The following NFATC2 variants were observed in gnomAD, a reference collection of about 807,000 sequenced individuals.
NFATC2 encodes nuclear factor of activated T-cells, cytoplasmic 2.
NFATC2 carries 22 observed loss-of-function variants against 87.3 expected under a neutral mutation model. The ratio of observed to expected loss-of-function variants is 0.25; its 90% CI spans 0.18 to 0.36. The LOEUF is 0.36. Ranked by LOEUF, NFATC2 falls within the 10% of genes least tolerant of loss-of-function variation. The pLI, the probability that NFATC2 is intolerant of heterozygous loss-of-function variation, is 1.00. For synonymous variants in NFATC2, 565 were observed against 542.2 expected, an observed-to-expected ratio of 1.04 and a Z score of -0.58; for missense variants, 1,149 against 1,259.1, an observed-to-expected ratio of 0.91 and a Z score of 1.32.
rs759240510 is a variant in NFATC2 at position 51,542,523 on chromosome 20, G to A, written c.-24C>T. 4.3e-6 allele frequency: 6 copies of A among 1,379,436 alleles called. No individual in the cohort carries two copies. The highest frequency in any genetic ancestry group is 7.8e-5 in the Admixed American group (2 of 25,536). 85.4% of individuals were successfully genotyped at this position (1,379,436 alleles called of 1,614,324 possible). A position where few individuals can be genotyped will look rare whatever the true frequency, so the allele number is the denominator to read the frequency against. On this transcript the variant is annotated 5_prime_UTR_variant, in exon 1 of 11. Transcript: ENST00000371564. ...ATGGCGCGCAGGGCGGGAAGGCTGCGGGGCCGGGGGCGAGGGCGGGCGCGG... is the reference window on the plus strand; with the variant it reads ...ATGGCGCGCAGGGCGGGAAGGCTGCAGGGCCGGGGGCGAGGGCGGGCGCGG...
intron 6 of NFATC2, among the ~76,000 whole-genome samples, chr20:51,449,879 G>C (rs1011367229): frequency 8.8e-6 from 1 of 113,096 alleles, no homozygotes; most frequent in African/African-American, 3.7e-5. Context: ...CTGGCACATA[G>C]TTCATTATTA....
intron 9 of NFATC2, among the ~76,000 whole-genome samples, chr20:51,419,759 G>T (rs980484121): frequency 1.3e-5 from 2 of 152,140 alleles, no homozygotes; most frequent in African/African-American, 4.8e-5. Flanking sequence ...TATCTCAGCA[G>T]CTGGCATTCG....
chr20:51,455,488 C>T (rs1986304623), intron 5 of NFATC2, among the ~76,000 whole-genome samples: 1 of 151,708 alleles, frequency 6.6e-6, no homozygotes, highest in South Asian at 2.1e-4. Context: ...AGCCCGGTCC[C>T]TCTCTCTCAT....
At chr20:51,478,990 C>G (rs1259000551) in intron 3 of NFATC2, among the ~76,000 whole-genome samples, 1 of 152,212 alleles carries the variant, frequency 6.6e-6, no homozygotes, top group Non-Finnish European at 1.5e-5. Flanking sequence ...TTAGGCATTA[C>G]AAGAACCAAT....
chr20:51,394,855 C>T (rs979770926), intron 10 of NFATC2, among the ~76,000 whole-genome samples: 1 of 152,194 alleles, frequency 6.6e-6, no homozygotes, highest in Non-Finnish European at 1.5e-5. Flanking sequence ...GGGCCACGTG[C>T]AGTGTTCTGC....
At chr20:51,402,634 C>T (rs1196885940) in intron 9 of NFATC2, among the ~76,000 whole-genome samples, 1 of 152,202 alleles carries the variant, frequency 6.6e-6, no homozygotes, top group Non-Finnish European at 1.5e-5. Context: ...CATAAACCCC[C>T]TCTGGGGGTT....
chr20:51,429,492 G>A (rs1403439275), intron 9 of NFATC2, among the ~76,000 whole-genome samples: 1 of 152,234 alleles, frequency 6.6e-6, no homozygotes, highest in African/African-American at 2.4e-5. Flanking sequence ...CTGCGCTTCA[G>A]AGCTCTTGAG....
intron 2 of NFATC2, among the ~76,000 whole-genome samples, chr20:51,519,386 G>A (rs1041345586): frequency 6.6e-6 from 1 of 151,684 alleles, no homozygotes. Flanking sequence ...AGGCTGAAGC[G>A]GGTGGATCAT....
In NFATC2 at chr20:51,516,882, T is replaced by C. The variant is rs776489670; in HGVS notation, c.1234A>G (p.Ile412Val). The C allele has an allele frequency of 1.9e-6, 3 of 1,614,146 alleles. No homozygotes were observed. The highest frequency in any genetic ancestry group is 2.2e-5 in the East Asian group (1 of 44,892). The part of the protein sequence containing the change: ...SSQSGSYELR[I>V]EVQPKPHHRA... ...TGATGTGGCTTGGGCTGCACCTCGATCCGCAGCTCGTAAGAGCCTGACTGA... is the reference window on the plus strand; with the variant it reads ...TGATGTGGCTTGGGCTGCACCTCGACCCGCAGCTCGTAAGAGCCTGACTGA... Residue 412 changes from isoleucine to valine, a missense_variant, in exon 3 of 11, where the codon ATC (isoleucine) becomes GTC (valine). Ile to Val is a conservative substitution (Grantham distance 29). Transcript: ENST00000371564.
intron 3 of NFATC2, among the ~76,000 whole-genome samples, chr20:51,500,681 C>T (rs1160707643): frequency 1.9e-5 from 2 of 102,754 alleles, no homozygotes; most frequent in East Asian, 6.6e-4. Flanking sequence ...TCACCACCAC[C>T]CCACTCCCAC....
intron 9 of NFATC2, among the ~76,000 whole-genome samples, chr20:51,407,775 C>A (rs1207670115): frequency 6.6e-6 from 1 of 152,222 alleles, no homozygotes; most frequent in South Asian, 2.1e-4. Context: ...GGACGAGAAC[C>A]GTGGAGTCTG....
intron 5 of NFATC2, among the ~76,000 whole-genome samples, chr20:51,462,923 T>C (rs1214261136): frequency 2.0e-5 from 3 of 152,214 alleles, no homozygotes; most frequent in African/African-American, 7.2e-5. Flanking sequence ...TGGGACCCTC[T>C]GCAGTGAAAC....
intron 9 of NFATC2, among the ~76,000 whole-genome samples, chr20:51,411,331 C>T (rs117113574): frequency 6.6e-6 from 1 of 151,848 alleles, no homozygotes; most frequent in East Asian, 1.9e-4. Context: ...CTAAAGTGAC[C>T]CTGAGTTAAC....
chr20:51,402,616 A>C (rs1208802326), intron 9 of NFATC2, among the ~76,000 whole-genome samples: 1 of 152,250 alleles, frequency 6.6e-6, no homozygotes, highest in African/African-American at 2.4e-5. Flanking sequence ...TTTGGGGAAG[A>C]CATATACCAT....
At chr20:51,561,480 AAAGAAAGC>A (rs1359898059) in intron 1 of NFATC2, among the ~76,000 whole-genome samples, 2,633 of 110,472 alleles carry the variant, frequency 0.024, 21 homozygotes, top group Non-Finnish European at 0.029. Context: ...AGAAAGAAAG[AAAGAAAGC>A]AAGCAAGCAA....
intron 3 of NFATC2, among the ~76,000 whole-genome samples, chr20:51,488,277 A>G (rs928233775): frequency 9.2e-5 from 14 of 152,054 alleles, no homozygotes; most frequent in African/African-American, 3.4e-4. Context: ...ATGGATGGTA[A>G]CATGTGGGAT....
chr20:51,523,977 C>G lies in NFATC2; in HGVS notation c.264G>C (p.Glu88Asp), dbSNP rs574231438. The G allele has an allele frequency of 6.3e-7, 1 of 1,577,746 alleles. No individual in the cohort carries two copies. The highest frequency in any genetic ancestry group is 1.4e-5 in the African/African-American group (1 of 72,578). The change falls in exon 2 of 11, where the codon GAG becomes GAC. Residue 88 changes from glutamate to aspartate, a missense_variant. Around this residue, in one of 3 missense-constraint regions of NFATC2, gnomAD observed 563 missense variants for 585.2 expected, o/e 0.96. Coordinates refer to ENST00000371564, the MANE Select transcript of NFATC2 (RefSeq NM_012340.5). This position sits in a 1 kb window ranked among gnomAD's most constrained non-coding sequence, Gnocchi z 6.9. ...LSGEPPGRFG[E>D]PDRVGPQKFL... is the part of the protein sequence containing the mutation. ...ACTTCTGCGGCCCTACCCTATCCGG[C>G]TCTCCGAATCGGCCGGGGGGCTCGC...
At chr20:51,554,183 T>C (rs974389772) in intron 1 of NFATC2, among the ~76,000 whole-genome samples, 1 of 152,142 alleles carries the variant, frequency 6.6e-6, no homozygotes, top group Non-Finnish European at 1.5e-5. Flanking sequence ...TCTCCCTCTT[T>C]TGCTTCTCCA....
chr20:51,484,994 TC>T (rs746015564), intron 3 of NFATC2, among the ~76,000 whole-genome samples: 3 of 152,202 alleles, frequency 2.0e-5, no homozygotes, highest in Non-Finnish European at 2.9e-5. Context: ...TCAGGCTCTC[TC>T]AGTGTTCTAA....
Sources: gnomAD v4.1 joint callset for allele counts (sites outside exome capture counted in the v4.1 genomes callset) on GRCh38, gnomAD v4.1.1 for gene constraint, gnomAD v4.1.1 regional missense constraint, Gnocchi (gnomAD v3.1) non-coding constraint, MANE v1.5 for transcripts, NCBI Gene and HGNC (gene_info 2026-07-23, HGNC 2026-07-21) for gene names.